CACNA2D1: variants seen among roughly 807,000 people sequenced by gnomAD.
The protein encoded by CACNA2D1 is calcium voltage-gated channel auxiliary subunit alpha2delta 1.
Under a neutral mutation model 171.5 loss-of-function variants are expected in CACNA2D1, and 53 were observed. The observed-to-expected ratio is 0.31, with a 90% CI of 0.25 to 0.39. CACNA2D1 has a LOEUF of 0.39. CACNA2D1 is among the 10% of genes least tolerant of loss of function. CACNA2D1 has a pLI of 1.00. For synonymous variants in CACNA2D1, 442 were observed against 443.1 expected (o/e 1.00, Z 0.03); for missense variants, 903 against 1,299.8 (o/e 0.69, Z 4.69).
intron 3 of CACNA2D1, among the ~76,000 whole-genome samples, chr7:82,286,793 T>C (rs918497470): frequency 6.6e-6 from 1 of 152,256 alleles, no homozygotes; most frequent in African/African-American, 2.4e-5. Context: ...AATTGGTTTT[T>C]GCTTCTTTAG....
At chr7:82,180,924 C>G (rs143232354) in intron 3 of CACNA2D1, among the ~76,000 whole-genome samples, 18 of 151,406 alleles carry the variant, frequency 1.2e-4, no homozygotes, top group Non-Finnish European at 2.2e-4. Context: ...CAGGCTTTCT[C>G]GCAGGTGTTG....
chr7:82,153,365 G>A (rs1160608800), intron 4 of CACNA2D1, among the ~76,000 whole-genome samples: 2 of 151,840 alleles, frequency 1.3e-5, no homozygotes, highest in African/African-American at 4.8e-5. Context: ...AAAGAACTAG[G>A]TGGCAGATTA....
chr7:81,970,621 C>T (rs1795167775), intron 27 of CACNA2D1, 54 bp downstream of exon 27: 3 of 944,630 alleles, frequency 3.2e-6, no homozygotes, highest in Admixed American at 3.4e-5. Context: ...TGTACAAATC[C>T]TTGGCGCAGT....
At chr7:82,275,391 T>A (rs1809192564) in intron 3 of CACNA2D1, among the ~76,000 whole-genome samples, 1 of 152,114 alleles carries the variant, frequency 6.6e-6, no homozygotes, top group Non-Finnish European at 1.5e-5. Context: ...TTGCCCATTA[T>A]TTAACACTTT....
intron 7 of CACNA2D1, among the ~76,000 whole-genome samples, chr7:82,076,490 C>T (rs552082414): frequency 5.3e-5 from 8 of 152,244 alleles, no homozygotes; most frequent in African/African-American, 1.9e-4. Context: ...TGATACTCAA[C>T]TGACACTCTA....
chr7:82,403,589 T>A (rs1826687128), intron 1 of CACNA2D1, among the ~76,000 whole-genome samples: 1 of 152,174 alleles, frequency 6.6e-6, no homozygotes, highest in Non-Finnish European at 1.5e-5. Context: ...AAAGAAATAT[T>A]CTCTTTGCTA....
chr7:81,956,979 A>AGAAACTAGAAGCACTTATTC (rs1554325758), intron 38 of CACNA2D1, among the ~76,000 whole-genome samples: 1 of 152,162 alleles, frequency 6.6e-6, no homozygotes, highest in Non-Finnish European at 1.5e-5. Flanking sequence ...AAATGAACTT[A>AGAAACTAGAAGCACTTATTC]GAAACTAGAA....
At chr7:82,285,699 C>A (rs1810674530) in intron 3 of CACNA2D1, among the ~76,000 whole-genome samples, 1 of 152,088 alleles carries the variant, frequency 6.6e-6, no homozygotes, top group Non-Finnish European at 1.5e-5. Context: ...TGGGACAGGA[C>A]TTTTCCTGGT....
At chr7:82,000,909 A>AT (rs1356474765) in intron 18 of CACNA2D1, among the ~76,000 whole-genome samples, 1 of 146,550 alleles carries the variant, frequency 6.8e-6, no homozygotes, top group Non-Finnish European at 1.5e-5. Context: ...GATTATAGGC[A>AT]TGAGCCACCG....
At chr7:82,268,462 C>A (rs1274449366) in intron 3 of CACNA2D1, among the ~76,000 whole-genome samples, 2 of 152,090 alleles carry the variant, frequency 1.3e-5, no homozygotes, top group Non-Finnish European at 2.9e-5. Context: ...TATTTAATTA[C>A]AAAAATTTAC....
intron 1 of CACNA2D1, among the ~76,000 whole-genome samples, chr7:82,433,958 C>T (rs990642941): frequency 2.0e-5 from 3 of 152,228 alleles, no homozygotes; most frequent in African/African-American, 7.2e-5. Flanking sequence ...CACATTCAGA[C>T]TGTCAACACA....
intron 1 of CACNA2D1, among the ~76,000 whole-genome samples, chr7:82,400,020 G>A (rs971043696): frequency 4.6e-5 from 7 of 151,662 alleles, no homozygotes; most frequent in East Asian, 1.9e-4. Context: ...GTAGATATGC[G>A]GCGTTATTTC....
intron 4 of CACNA2D1, among the ~76,000 whole-genome samples, chr7:82,152,938 A>T (rs12707473): frequency 0.26 from 38,966 of 151,362 alleles, 5,461 homozygotes; most frequent in Admixed American, 0.32. Flanking sequence ...GTAATTTAGT[A>T]ATTTATTAAC....
intron 3 of CACNA2D1, among the ~76,000 whole-genome samples, chr7:82,191,351 G>A (rs755456060): frequency 8.6e-5 from 13 of 151,588 alleles, no homozygotes; most frequent in Non-Finnish European, 1.5e-4. Flanking sequence ...TTTCAAAAGC[G>A]ATTAGTTTAA....
chr7:82,440,939 T>C (rs1830455736), intron 1 of CACNA2D1, among the ~76,000 whole-genome samples: 1 of 151,754 alleles, frequency 6.6e-6, no homozygotes, highest in Non-Finnish European at 1.5e-5. Flanking sequence ...ACTTCTTACA[T>C]TACTTTTTCT....
At chr7:82,079,521 G>A (rs888527224) in intron 7 of CACNA2D1, among the ~76,000 whole-genome samples, 4 of 151,766 alleles carry the variant, frequency 2.6e-5, no homozygotes, top group South Asian at 2.1e-4. Flanking sequence ...GAGAAAACCC[G>A]TCTCTACTAA....
chr7:82,134,494 C>T (rs75088253), intron 5 of CACNA2D1, among the ~76,000 whole-genome samples: 10,153 of 152,198 alleles, frequency 0.067, 412 homozygotes, highest in South Asian at 0.14. Context: ...ATTCTGATAA[C>T]GTTATTGTTT....
intron 1 of CACNA2D1, among the ~76,000 whole-genome samples, chr7:82,395,954 C>T (rs1825716098): frequency 6.6e-6 from 1 of 152,096 alleles, no homozygotes; most frequent in South Asian, 2.1e-4. Context: ...ATGTGAAAAT[C>T]CTATGCAGAC....
chr7:82,050,602 G>A (rs747750070), intron 10 of CACNA2D1: 6 of 702,586 alleles, frequency 8.5e-6, no homozygotes, highest in African/African-American at 1.7e-5. Context: ...AAATCTCTTC[G>A]GGAGAAGGAG....
Sources: allele counts gnomAD v4.1 joint callset (sites outside exome capture counted in the v4.1 genomes callset), GRCh38; gene constraint gnomAD v4.1.1; transcripts MANE v1.5; gene names NCBI Gene and HGNC (gene_info 2026-07-23, HGNC 2026-07-21).